Variants in TMTC4 observed in about 807,000 individuals in gnomAD.
TMTC4 encodes protein O-mannosyl-transferase TMTC4.
Under a neutral mutation model 86.0 loss-of-function variants are expected in TMTC4, and 65 were observed. That is an observed-to-expected ratio of 0.76 (90% CI 0.62 to 0.93). The LOEUF is 0.93. TMTC4 is among the 40% of genes least tolerant of loss of function. The pLI is 0.00. For missense variants in TMTC4, 866 were observed against 948.1 expected, an observed-to-expected ratio of 0.91 and a Z score of 1.14; for synonymous variants, 379 against 382.5, an observed-to-expected ratio of 0.99 and a Z score of 0.11.
chr13:100,669,474 A>G (rs929379101), intron 2 of TMTC4, among the ~76,000 whole-genome samples: 1 of 152,186 alleles, frequency 6.6e-6, no homozygotes, highest in Admixed American at 6.5e-5. Context: ...AAAGGAAAGG[A>G]AGGGAGGCTA....
In TMTC4 at chr13:100,674,252, G is replaced by C. The variant is rs945548730; in HGVS notation, c.-208+492C>G. 5.1e-6 allele frequency: 5 copies of C among 979,688 alleles called. No individual in the cohort carries two copies. The African/African-American group carries it at 7.1e-5, about 14-fold the overall frequency. 60.7% of individuals were successfully genotyped at this position (979,688 alleles called of 1,614,324 possible). A position where few individuals can be genotyped will look rare whatever the true frequency, so the allele number is the denominator to read the frequency against. ...AGTAGCAGGCGCTCGCGGCGCGGCGGGGGAGCCGCCGCGGAACCCAGGGCA... is the reference window on the plus strand; with the variant it reads ...AGTAGCAGGCGCTCGCGGCGCGGCGCGGGAGCCGCCGCGGAACCCAGGGCA... On this transcript the variant is annotated intron_variant, in intron 1 of 18. Transcript: ENST00000342624.
At chr13:100,652,931 T>C (rs1258126809) in intron 6 of TMTC4, among the ~76,000 whole-genome samples, 1 of 152,218 alleles carries the variant, frequency 6.6e-6, no homozygotes, top group Non-Finnish European at 1.5e-5. Flanking sequence ...CCCTTAAAGT[T>C]TGATTAACTA....
intron 18 of TMTC4, 55 bp downstream of exon 18, chr13:100,606,303 C>G: frequency 7.0e-7 from 1 of 1,432,996 alleles, no homozygotes; most frequent in Admixed American, 1.7e-5. Context: ...GACATGCACC[C>G]ACTTCATTAA....
At chr13:100,626,871 T>A (rs775594833) in intron 12 of TMTC4, among the ~76,000 whole-genome samples, 4 of 152,164 alleles carry the variant, frequency 2.6e-5, no homozygotes, top group Non-Finnish European at 4.4e-5. Context: ...AAATCCTGAC[T>A]CCTAATGTGA....
chr13:100,642,423 A>G, intron 6 of TMTC4, 112 bp from the exon 7 acceptor site: 1 of 1,236,836 alleles, frequency 8.1e-7, no homozygotes, highest in Non-Finnish European at 1.2e-6. Flanking sequence ...ACTTAAAAAC[A>G]GGGTTTGGGC....
chr13:100,668,531 G>A, intron 3 of TMTC4, 48 bp downstream of exon 3: 1 of 1,562,526 alleles, frequency 6.4e-7, no homozygotes, highest in Non-Finnish European at 8.8e-7. Context: ...TGATTACTGA[G>A]ACACAGTTGG....
At chr13:100,613,489 G>C (rs1877958351) in intron 16 of TMTC4, among the ~76,000 whole-genome samples, 1 of 152,112 alleles carries the variant, frequency 6.6e-6, no homozygotes, top group Non-Finnish European at 1.5e-5. Flanking sequence ...AGAATCCATG[G>C]CTCCAAGTGT....
chr13:100,636,787 C>T (rs1882284651), intron 9 of TMTC4, 53 bp from the exon 10 acceptor site: 1 of 1,577,998 alleles, frequency 6.3e-7, no homozygotes, highest in Non-Finnish European at 8.7e-7. Flanking sequence ...TTAAAAAACA[C>T]ATATATACGC....
At chr13:100,651,659 A>T (rs1212694955) in intron 6 of TMTC4, among the ~76,000 whole-genome samples, 1 of 152,206 alleles carries the variant, frequency 6.6e-6, no homozygotes, top group Admixed American at 6.5e-5. Flanking sequence ...ATCCATAAAA[A>T]AAGTTAATGA....
At chr13:100,666,118 A>G (rs574066911) in intron 3 of TMTC4, 28 of 451,476 alleles carry the variant, frequency 6.2e-5, no homozygotes, top group African/African-American at 4.2e-4. Flanking sequence ...CTACAGAAAG[A>G]AAGGTCAATT....
intron 16 of TMTC4, among the ~76,000 whole-genome samples, chr13:100,614,113 A>AC (rs1392264398): frequency 6.6e-6 from 1 of 152,020 alleles, no homozygotes; most frequent in Non-Finnish European, 1.5e-5. Context: ...CGCTGGGATT[A>AC]CAGGTGTGAG....
intron 10 of TMTC4, among the ~76,000 whole-genome samples, chr13:100,636,177 G>A (rs935864766): frequency 1.1e-4 from 17 of 152,112 alleles, no homozygotes; most frequent in Non-Finnish European, 1.5e-5. Flanking sequence ...AGGGTGTTTT[G>A]AGGAAGAATT....
chr13:100,642,959 C>T (rs1260814043), intron 6 of TMTC4, among the ~76,000 whole-genome samples: 1 of 152,138 alleles, frequency 6.6e-6, no homozygotes, highest in African/African-American at 2.4e-5. Flanking sequence ...GGCTCGAGCA[C>T]CAACAAGAAG....
intron 6 of TMTC4, among the ~76,000 whole-genome samples, chr13:100,642,948 G>A (rs1342265473): frequency 6.6e-6 from 1 of 152,146 alleles, no homozygotes; most frequent in Admixed American, 6.5e-5. Context: ...ATCTGCATGG[G>A]GGCTCGAGCA....
At chr13:100,624,532 G>C (rs1469860659) in intron 15 of TMTC4, 3 of 151,796 alleles carry the variant, frequency 2.0e-5, no homozygotes, top group African/African-American at 7.3e-5. Context: ...GACAACATAA[G>C]AACTCTTTAA....
At position 100,653,233 on chromosome 13, in the gene TMTC4, A is replaced by G. The variant is rs140893641; in HGVS notation, c.640+3148T>C. ...AGCACATTCTATTCTTCGCATGTTT[A>G]AAAAGGAGTATGGAAAATCAGAAAC... On this transcript the variant is annotated intron_variant, in intron 6 of 18. Coordinates refer to ENST00000342624, the MANE Select transcript of TMTC4 (RefSeq NM_032813.5). Among the ~76,000 whole-genome samples the G allele has an allele frequency of 2.6e-5, 4 of 152,328 alleles. No homozygotes were observed. In the East Asian group the frequency reaches 7.7e-4, roughly 29 times the overall value.
chr13:100,639,105 T>C (rs1489189728), intron 7 of TMTC4, among the ~76,000 whole-genome samples: 1 of 152,170 alleles, frequency 6.6e-6, no homozygotes, highest in Non-Finnish European at 1.5e-5. Flanking sequence ...CTGCACATAC[T>C]CAGTGGATAT....
chr13:100,620,239 T>C (rs981929775), intron 15 of TMTC4, among the ~76,000 whole-genome samples: 2 of 152,204 alleles, frequency 1.3e-5, no homozygotes, highest in African/African-American at 4.8e-5. Flanking sequence ...TTTTGTTCTG[T>C]TCTGTCAACA....
At chr13:100,620,480 C>G (rs997405798) in intron 15 of TMTC4, among the ~76,000 whole-genome samples, 1 of 152,136 alleles carries the variant, frequency 6.6e-6, no homozygotes. Context: ...TCCCCCAAAA[C>G]ATATAGGATT....
Sources: allele counts gnomAD v4.1 joint callset (sites outside exome capture counted in the v4.1 genomes callset), GRCh38; gene constraint gnomAD v4.1.1; transcripts MANE v1.5; gene names NCBI Gene and HGNC (gene_info 2026-07-23, HGNC 2026-07-21).